TPRKB: variants seen among roughly 807,000 people sequenced by gnomAD.
TPRKB encodes EKC/KEOPS complex subunit TPRKB.
A neutral mutation model predicts 17.8 loss-of-function variants in TPRKB; 11 were observed. That is an observed-to-expected ratio of 0.62 (90% CI 0.39 to 1.02). TPRKB has a LOEUF of 1.02. Ranked by LOEUF, TPRKB falls within the 50% of genes least tolerant of loss-of-function variation. The pLI, the probability that TPRKB is intolerant of heterozygous loss-of-function variation, is 0.00. For synonymous variants in TPRKB, 71 were observed against 69.5 expected, an observed-to-expected ratio of 1.02 and a Z score of -0.11; for missense variants, 228 against 198.0, an observed-to-expected ratio of 1.15 and a Z score of -0.91.
intron 1 of TPRKB, 104 bp from the exon 2 acceptor site, chr2:73,734,695 G>T: frequency 9.3e-7 from 1 of 1,074,304 alleles, no homozygotes; most frequent in Non-Finnish European, 1.3e-6. Context: ...TGATAAAAGT[G>T]TTAAACTAGA....
At chr2:73,730,763 A>G (rs201604753) in intron 3 of TPRKB, 27 bp from the exon 4 acceptor site, 1 of 1,446,906 alleles carries the variant, frequency 6.9e-7, no homozygotes, top group Non-Finnish European at 9.2e-7. Context: ...GAAAAAAAAA[A>G]CACAAGATCA....
At chr2:73,734,649 TTTC>T in intron 1 of TPRKB, 58 bp from the exon 2 acceptor site, 1 of 1,400,558 alleles carries the variant, frequency 7.1e-7, no homozygotes, top group African/African-American at 1.4e-5. Context: ...TCAGAACTCA[TTTC>T]TTAATAAATA....
intron 2 of TPRKB, among the ~76,000 whole-genome samples, chr2:73,733,683 C>CTGT (rs1353986282): frequency 6.6e-6 from 1 of 152,180 alleles, no homozygotes; most frequent in African/African-American, 2.4e-5. Context: ...CCTCTATTCA[C>CTGT]TGTTATAGTC....
At chr2:73,732,108 A>G in intron 3 of TPRKB, 55 bp downstream of exon 3, 1 of 1,576,790 alleles carries the variant, frequency 6.3e-7, no homozygotes, top group Non-Finnish European at 8.6e-7. Flanking sequence ...CCCAACACTG[A>G]GGAACACATA....
Position 73,730,706 on chromosome 2 carries a change from A to C in TPRKB, c.295T>G (p.Ser99Ala), listed in dbSNP as rs755637477. Reference protein sequence around the residue: ...ISEALKKFGISANDTSILIVY... With the variant: ...ISEALKKFGIAANDTSILIVY... ...ATTAGAATTGAAGTGTCATTTGCTG[A>C]GATACCAAATTTTTTCAAAGCCTCT... The change falls in exon 4 of 5, where the codon TCA becomes GCA. Residue 99 changes from serine to alanine, a missense_variant. Physicochemically the swap from Ser to Ala is moderately conservative, Grantham distance 99. Coordinates refer to ENST00000272424, the MANE Select transcript of TPRKB (RefSeq NM_016058.5). 2 of 1,529,170 alleles carry C rather than the reference A, an allele frequency of 1.3e-6. No individual in the cohort carries two copies. Among genetic ancestry groups the C allele is most frequent in the South Asian group, 2.6e-5 (2 of 77,950 alleles). The allele number at this position is 1,529,170 out of a possible 1,614,324, so 94.7% of individuals were successfully genotyped here.
At position 73,730,752 on chromosome 2, in the gene TPRKB, T is replaced by TA; in HGVS notation, c.265-17_265-16insT. 1 of 1,472,062 alleles carries TA rather than the reference T, an allele frequency of 6.8e-7. No individual in the cohort carries two copies. The highest frequency in any genetic ancestry group is 9.0e-7 in the Non-Finnish European group (1 of 1,113,234). 91.2% of individuals were successfully genotyped at this position (1,472,062 alleles called of 1,614,324 possible). On this transcript the variant is annotated splice_polypyrimidine_tract_variant and intron_variant, in intron 3 of 4. Coordinates refer to ENST00000272424, the MANE Select transcript of TPRKB (RefSeq NM_016058.5). Reference sequence around the variant, plus strand: ...CCTCTGAAATCTAAGAGAAAAAAAATGAAAAAAAAAACACAAGATCATTAA... The same window carrying TA: ...CCTCTGAAATCTAAGAGAAAAAAAATAGAAAAAAAAAACACAAGATCATTAA...
At chr2:73,736,691 T>C (rs1173316826) in intron 1 of TPRKB, among the ~76,000 whole-genome samples, 3 of 152,202 alleles carry the variant, frequency 2.0e-5, no homozygotes, top group Non-Finnish European at 2.9e-5. Flanking sequence ...AGCAGTAGCC[T>C]TCTGAGTGGT....
chr2:73,736,057 T>G (rs896889013), intron 1 of TPRKB, among the ~76,000 whole-genome samples: 1 of 152,164 alleles, frequency 6.6e-6, no homozygotes, highest in African/African-American at 2.4e-5. Flanking sequence ...AATGTGGGTT[T>G]TTTAAAAGGC....
chr2:73,732,483 G>A, intron 2 of TPRKB, 198 bp from the exon 3 acceptor site: 2 of 552,554 alleles, frequency 3.6e-6, no homozygotes, highest in Non-Finnish European at 6.2e-6. Context: ...AGGCCAAGGT[G>A]GGTAGATCAC....
chr2:73,737,063 T>G (rs1671921660), intron 1 of TPRKB, among the ~76,000 whole-genome samples: 1 of 152,114 alleles, frequency 6.6e-6, no homozygotes, highest in Admixed American at 6.5e-5. Context: ...GAGGACTAGC[T>G]CCTTTTTGGG....
intron 1 of TPRKB, 33 bp downstream of exon 1, chr2:73,737,269 G>A (rs1379514849): frequency 6.6e-6 from 1 of 152,166 alleles, no homozygotes; most frequent in African/African-American, 2.4e-5. Context: ...TCCCGCTCCC[G>A]AGCCTGCCCG....
At position 73,734,424 on chromosome 2, in the gene TPRKB, T is replaced by G; in HGVS notation, c.141+5A>C. ...GGCTCATTCATTCTTAAAATTTATATTTACCACTGTAGGATTTATCAGTGA... is the reference window on the plus strand; with the variant it reads ...GGCTCATTCATTCTTAAAATTTATAGTTACCACTGTAGGATTTATCAGTGA... On this transcript the variant is annotated splice_donor_5th_base_variant and intron_variant, in intron 2 of 4. Transcript: ENST00000272424. The G allele has an allele frequency of 6.2e-7, 1 of 1,607,108 alleles. No individual in the cohort carries two copies. The highest frequency in any genetic ancestry group is 1.1e-5 in the South Asian group (1 of 89,596).
At chr2:73,730,172 T>G in intron 4 of TPRKB, 143 bp from the exon 5 acceptor site, 1 of 1,028,912 alleles carries the variant, frequency 9.7e-7, no homozygotes, top group Non-Finnish European at 1.3e-6. Flanking sequence ...GATTAAAATA[T>G]TCAAAGTAGA....
intron 1 of TPRKB, among the ~76,000 whole-genome samples, chr2:73,736,620 C>T (rs1451913194): frequency 6.6e-6 from 1 of 152,178 alleles, no homozygotes; most frequent in Non-Finnish European, 1.5e-5. Flanking sequence ...TTTTCACCTG[C>T]TAAATATACT....
chr2:73,730,301 A>G, intron 4 of TPRKB: 1 of 426,434 alleles, frequency 2.3e-6, no homozygotes, highest in Non-Finnish European at 4.0e-6. Flanking sequence ...CATTTTAAAT[A>G]TACTATGTAA....
intron 3 of TPRKB, chr2:73,731,810 G>A (rs1051664014): frequency 2.9e-5 from 5 of 172,672 alleles, no homozygotes; most frequent in South Asian, 1.5e-4. Flanking sequence ...AGGAGTTTAC[G>A]GGAAGAGAGA....
Position 73,730,372 on chromosome 2 carries a change from G to T in TPRKB, c.441+188C>A, listed in dbSNP as rs1671541549. 1.0e-5 allele frequency: 5 copies of T among 485,592 alleles called. 1 individual carries two copies. In the South Asian group the frequency reaches 1.8e-4, roughly 17 times the overall value. The allele number at this position is 485,592 out of a possible 1,614,324, so 30.1% of individuals were successfully genotyped here. ...GAGAATGGTTATGTCAGCTGAGTTT[G>T]TAATTATATTTTACATAAACCATCA... On this transcript the variant is annotated intron_variant, in intron 4 of 4. Transcript: ENST00000272424.
chr2:73,734,540 A>AAAT lies in TPRKB; in HGVS notation c.27_29dup (p.Leu9dup), dbSNP rs1240338418. On this transcript the variant is annotated inframe_insertion, in exon 2 of 5. Coordinates refer to ENST00000272424, the MANE Select transcript of TPRKB (RefSeq NM_016058.5). ...ACAGAAGGGTTACCCTGCATTCGGG[A>AAAT]AATAGGTCCAGCTGATGTGTTAACT... The AAAT allele has an allele frequency of 2.5e-6, 4 of 1,613,476 alleles. No individual in the cohort carries two copies. The highest frequency in any genetic ancestry group is 1.3e-5 in the African/African-American group (1 of 74,898).
At chr2:73,736,657 C>G (rs1313533514) in intron 1 of TPRKB, among the ~76,000 whole-genome samples, 3 of 152,218 alleles carry the variant, frequency 2.0e-5, no homozygotes, top group African/African-American at 7.2e-5. Flanking sequence ...CTCTCCCATA[C>G]GCTAGGTCAC....
Sources: allele counts gnomAD v4.1 joint callset (sites outside exome capture counted in the v4.1 genomes callset), GRCh38; gene constraint gnomAD v4.1.1; transcripts MANE v1.5; gene names NCBI Gene and HGNC (gene_info 2026-07-23, HGNC 2026-07-21).